The following SART3 variants were observed in gnomAD, a reference collection of about 807,000 sequenced individuals.
The protein encoded by SART3 is HIV-1 Tat-interacting protein of 110kDa.
A neutral mutation model predicts 122.3 loss-of-function variants in SART3; 44 were observed. The ratio of observed to expected loss-of-function variants is 0.36; its 90% CI spans 0.28 to 0.46. SART3 has a LOEUF of 0.46. SART3 is among the 20% of genes least tolerant of loss of function. SART3 has a pLI of 1.00. For synonymous variants in SART3, 442 were observed against 454.0 expected, an observed-to-expected ratio of 0.97 and a Z score of 0.34; for missense variants, 1,101 against 1,229.0, an observed-to-expected ratio of 0.90 and a Z score of 1.56.
chr12:108,540,227 G>A (rs1873096470), intron 6 of SART3, among the ~76,000 whole-genome samples: 1 of 152,174 alleles, frequency 6.6e-6, no homozygotes, highest in South Asian at 2.1e-4. Flanking sequence ...CTTCTCAACA[G>A]CAACAACAGA....
chr12:108,529,388 A>C (rs1872545728), intron 15 of SART3, among the ~76,000 whole-genome samples: 1 of 152,206 alleles, frequency 6.6e-6, no homozygotes, highest in Admixed American at 6.5e-5. Flanking sequence ...CACCTTCTAA[A>C]TACCACTCAT....
At chr12:108,543,906 T>C (rs1451519605) in intron 5 of SART3, among the ~76,000 whole-genome samples, 1 of 152,196 alleles carries the variant, frequency 6.6e-6, no homozygotes, top group Non-Finnish European at 1.5e-5. Context: ...TGCCAAAATG[T>C]ATTTACCAAA....
intron 3 of SART3, 102 bp downstream of exon 3, chr12:108,547,785 C>T (rs1451697313): frequency 7.4e-6 from 6 of 810,638 alleles, no homozygotes; most frequent in East Asian, 2.6e-5. Flanking sequence ...GTGAAACTAA[C>T]GTTCCCTTTT....
At position 108,545,295 on chromosome 12, in the gene SART3, C is replaced by T; in HGVS notation, c.573G>A (p.Gln191=). ...ICPNIWLEYG[Q]YSVGGIGQKG... ...TCTGACCAATCCCACCAACTGAGTA[C>T]TGGCCATACTCTAGCCAAATGTTAG... Residue 191 remains glutamine (Q), a synonymous_variant, in exon 4 of 19, where the codon CAG becomes CAA. Coordinates refer to ENST00000546815, the MANE Select transcript of SART3 (RefSeq NM_014706.4). 2 of 1,614,216 alleles carry T rather than the reference C, an allele frequency of 1.2e-6. No homozygotes were observed. Among genetic ancestry groups the T allele is most frequent in the Non-Finnish European group, 1.7e-6 (2 of 1,180,036 alleles).
intron 15 of SART3, among the ~76,000 whole-genome samples, chr12:108,527,193 T>A (rs550795632): frequency 5.3e-5 from 8 of 152,344 alleles, no homozygotes; most frequent in Admixed American, 4.6e-4. Context: ...ACTGCTACTG[T>A]ATTCAAGAGT....
chr12:108,557,471 TA>T (rs1034162690), intron 1 of SART3, among the ~76,000 whole-genome samples: 2 of 152,010 alleles, frequency 1.3e-5, no homozygotes, highest in East Asian at 3.9e-4. Context: ...GGGGGAGAAA[TA>T]ATAGAGAGGA....
In SART3 at chr12:108,556,847, A is replaced by G. The variant is rs376967024; in HGVS notation, c.312+3996T>C. 8.5e-5 allele frequency among the ~76,000 whole-genome samples: 13 copies of G among 152,386 alleles called. No homozygotes were observed. The East Asian group carries it at 1.5e-3, about 18-fold the overall frequency. Reference sequence around the variant, plus strand: ...CCACCACATCACCAGTCTGAACTCAATAGAGTGTGCTTGCGGAGCACAAAC... The same window carrying G: ...CCACCACATCACCAGTCTGAACTCAGTAGAGTGTGCTTGCGGAGCACAAAC... On this transcript the variant is annotated intron_variant, in intron 1 of 18. Coordinates refer to ENST00000546815, the MANE Select transcript of SART3 (RefSeq NM_014706.4).
intron 15 of SART3, among the ~76,000 whole-genome samples, chr12:108,527,859 G>A (rs901012542): frequency 5.9e-5 from 9 of 151,994 alleles, no homozygotes; most frequent in Admixed American, 4.6e-4. Context: ...TCTGCCTCCC[G>A]GGCTCAAGTA....
chr12:108,560,282 A>T (rs1229326296), intron 1 of SART3: 2 of 156,592 alleles, frequency 1.3e-5, no homozygotes, highest in African/African-American at 4.8e-5. Context: ...GGAAGTCGAG[A>T]GGGTGAGAGA....
Position 108,526,163 on chromosome 12 carries a change from C to T in SART3, c.2306G>A (p.Ser769Asn), listed in dbSNP as rs776295212. The T allele has an allele frequency of 2.5e-6, 4 of 1,614,252 alleles. 1 individual carries two copies. In the South Asian group the frequency reaches 3.3e-5, roughly 13 times the overall value. Reference protein sequence around the residue: ...ALQALEMDRKSVEGRPMFVSP... With the variant: ...ALQALEMDRKNVEGRPMFVSP... ...AACAAACATTGGCCTCCCTTCTACA[C>T]TTTTCCGGTCCATCTCCAGTGCCTG... Residue 769 changes from serine to asparagine, a missense_variant, in exon 16 of 19, where the codon AGT becomes AAT. Transcript: ENST00000546815.
At chr12:108,556,546 G>A (rs917988166) in intron 1 of SART3, among the ~76,000 whole-genome samples, 3 of 152,192 alleles carry the variant, frequency 2.0e-5, no homozygotes, top group Admixed American at 1.3e-4. Flanking sequence ...CATAAAACCT[G>A]AGAAGCTGAA....
In SART3 at chr12:108,525,835, G is replaced by C. The variant is rs552004575; in HGVS notation, c.2371-226C>G. On this transcript the variant is annotated intron_variant, in intron 16 of 18. Coordinates refer to ENST00000546815, the MANE Select transcript of SART3 (RefSeq NM_014706.4). ...GCAAGAATAAAAGTAACCATTCACA[G>C]AGTCTCATGAGGAGTCAATGAGCTG... The C allele has an allele frequency of 1.4e-3, 909 of 626,942 alleles. 2 individuals carry two copies. Among genetic ancestry groups the C allele is most frequent in the Admixed American group, 2.5e-3 (92 of 37,232 alleles). 38.8% of individuals were successfully genotyped at this position (626,942 alleles called of 1,614,324 possible).
Position 108,537,313 on chromosome 12 carries a change from C to T in SART3, c.1309+175G>A, listed in dbSNP as rs930885259. The T allele has an allele frequency of 7.9e-5, 49 of 623,010 alleles. No individual in the cohort carries two copies. The East Asian group carries it at 1.4e-3, about 18-fold the overall frequency. The allele number at this position is 623,010 out of a possible 1,614,324, so 38.6% of individuals were successfully genotyped here. ...AACGATTACTCTCTTGCTTTACAAT[C>T]CACATCATGACTTGTTAAAGACAGA... On this transcript the variant is annotated intron_variant, in intron 9 of 18. Transcript: ENST00000546815.
Position 108,536,784 on chromosome 12 carries a change from G to C in SART3, c.1311C>G (p.Asp437Glu), listed in dbSNP as rs775670740. The C allele has an allele frequency of 3.7e-6, 6 of 1,613,662 alleles. No individual in the cohort carries two copies. The highest frequency in any genetic ancestry group is 5.1e-6 in the Non-Finnish European group (6 of 1,179,740). ...TCAACTCCTCCAGCTCTTTACTGGAGTCTAACGGAAAGTGCAAAAAAAGGC... is the reference window on the plus strand; with the variant it reads ...TCAACTCCTCCAGCTCTTTACTGGACTCTAACGGAAAGTGCAAAAAAAGGC... ...YLRRRVDFKQ[D>E]SSKELEELRA... Residue 437 changes from aspartate (D) to glutamate (E), a missense_variant and splice_region_variant, in exon 10 of 19, where the codon GAC becomes GAG. Around this residue, in one of 2 missense-constraint regions of SART3, gnomAD observed 885 missense variants for 1,080.1 expected, o/e 0.82. Transcript: ENST00000546815.
rs375116692 is a variant in SART3 at position 108,561,130 on chromosome 12, C to T, written c.25G>A (p.Ala9Thr). The stretch of plus-strand genomic sequence containing the variant: ...TTGGACTCAGCCTCGGGTTCTGAAG[C>T]CGAGGTTTCGGCCGCAGTCGCCATC... MATAAETS[A>T]SEPEAESKAG... Residue 9 changes from alanine to threonine, a missense_variant, in exon 1 of 19, where the codon GCT becomes ACT. By Grantham distance (58) the Ala-to-Thr change is moderately conservative. Around this residue, in one of 2 missense-constraint regions of SART3, gnomAD observed 216 missense variants for 148.9 expected, o/e 1.45. Coordinates refer to ENST00000546815, the MANE Select transcript of SART3 (RefSeq NM_014706.4). The T allele has an allele frequency of 1.4e-5, 22 of 1,613,334 alleles. No individual in the cohort carries two copies. The highest frequency in any genetic ancestry group is 1.9e-5 in the Non-Finnish European group (22 of 1,179,368).
chr12:108,542,856 G>T, intron 6 of SART3, 172 bp downstream of exon 6: 1 of 902,674 alleles, frequency 1.1e-6, no homozygotes, highest in Non-Finnish European at 1.7e-6. Flanking sequence ...CTTAACCTGG[G>T]TGGTAGGTAC....
chr12:108,535,672 AC>A, intron 11 of SART3: 1 of 619,772 alleles, frequency 1.6e-6, no homozygotes, highest in African/African-American at 1.8e-5. Context: ...AAGCTAATCT[AC>A]CTATGTTTCC....
At chr12:108,538,238 C>G (rs1479131167) in intron 7 of SART3, 35 bp from the exon 8 acceptor site, 1 of 1,611,884 alleles carries the variant, frequency 6.2e-7, no homozygotes, top group Non-Finnish European at 8.5e-7. Flanking sequence ...GGAAATTACA[C>G]TTTATTAAGC....
chr12:108,526,147 T>C lies in SART3; in HGVS notation c.2322A>G (p.Pro774=). Residue 774 remains proline (P), a synonymous_variant, in exon 16 of 19, where the codon CCA becomes CCG. Transcript: ENST00000546815. ...TATCCACACAGGGGGAAACAAACAT[T>C]GGCCTCCCTTCTACACTTTTCCGGT... ...EMDRKSVEGR[P]MFVSPCVDKS... 1 of 1,614,232 alleles carries C rather than the reference T, an allele frequency of 6.2e-7. No individual in the cohort carries two copies. Among genetic ancestry groups the C allele is most frequent in the Non-Finnish European group, 8.5e-7 (1 of 1,180,044 alleles).
Sources: gnomAD v4.1 joint callset for allele counts (sites outside exome capture counted in the v4.1 genomes callset) on GRCh38, gnomAD v4.1.1 for gene constraint, gnomAD v4.1.1 regional missense constraint, MANE v1.5 for transcripts, NCBI Gene and HGNC (gene_info 2026-07-23, HGNC 2026-07-21) for gene names.